TYW1: variants seen among roughly 807,000 people sequenced by gnomAD.
TYW1 encodes S-adenosyl-L-methionine-dependent tRNA 4-demethylwyosine synthase TYW1.
A neutral mutation model predicts 96.2 loss-of-function variants in TYW1; 46 were observed. The observed-to-expected ratio is 0.48, with a 90% CI of 0.38 to 0.61. TYW1 has a LOEUF of 0.61. TYW1 is among the 20% of genes least tolerant of loss of function. The probability of loss-of-function intolerance (pLI) is 0.00; values close to 1 mark genes in which losing one functional copy is unlikely to be tolerated. For missense variants in TYW1, 684 were observed against 909.6 expected (o/e 0.75, Z 3.19); for synonymous variants, 274 against 323.0 (o/e 0.85, Z 1.63).
chr7:67,036,608 G>C (rs982299163), intron 7 of TYW1, among the ~76,000 whole-genome samples: 13 of 152,234 alleles, frequency 8.5e-5, no homozygotes, highest in Non-Finnish European at 1.6e-4. Context: ...AGGGAGAGGT[G>C]ACCGCACTTG....
chr7:67,032,237 T>G (rs1464176127), intron 7 of TYW1, among the ~76,000 whole-genome samples: 9 of 152,116 alleles, frequency 5.9e-5, no homozygotes, highest in Non-Finnish European at 1.3e-4. Context: ...GGAGACAGGG[T>G]CTCACTCTGT....
intron 13 of TYW1, among the ~76,000 whole-genome samples, chr7:67,177,158 G>A (rs1465155131): frequency 2.0e-5 from 3 of 152,078 alleles, no homozygotes; most frequent in South Asian, 2.1e-4. Context: ...TTATTACAGT[G>A]GACTATCCAT....
chr7:67,159,436 G>C lies in TYW1; in HGVS notation c.1699-23690G>C, dbSNP rs533343719. On this transcript the variant is annotated intron_variant, in intron 13 of 15. Transcript: ENST00000359626. ...TCTTACATGATGAAGTACAACTCCA[G>C]ATGTTAATATTTCATCATTATCAGC... Among the ~76,000 whole-genome samples, 468 of 152,270 alleles carry C rather than the reference G, an allele frequency of 3.1e-3. 1 individual carries two copies. Among genetic ancestry groups the C allele is most frequent in the African/African-American group, 0.01 (431 of 41,538 alleles).
At chr7:67,203,717 CCTT>C (rs1800674465) in intron 15 of TYW1, among the ~76,000 whole-genome samples, 1 of 152,180 alleles carries the variant, frequency 6.6e-6, no homozygotes, top group Non-Finnish European at 1.5e-5. Flanking sequence ...TATTCTTACT[CCTT>C]CTGTTGTTCG....
chr7:67,056,173 T>C (rs1217795805), intron 9 of TYW1, among the ~76,000 whole-genome samples: 2 of 152,166 alleles, frequency 1.3e-5, no homozygotes, highest in Admixed American at 1.3e-4. Context: ...TTGCTATTAC[T>C]GTTATTTGGC....
intron 13 of TYW1, among the ~76,000 whole-genome samples, chr7:67,128,650 G>C (rs1197817191): frequency 7.9e-5 from 12 of 151,826 alleles, no homozygotes; most frequent in Non-Finnish European, 1.8e-4. Flanking sequence ...TGGTGTATGG[G>C]GAGGGGAAGC....
chr7:67,065,828 T>C (rs184056768), intron 9 of TYW1, among the ~76,000 whole-genome samples: 17 of 152,276 alleles, frequency 1.1e-4, no homozygotes, highest in Admixed American at 1.0e-3. Context: ...CTGACCAATA[T>C]GGTAAAACCC....
intron 10 of TYW1, among the ~76,000 whole-genome samples, chr7:67,067,896 A>T (rs1299954330): frequency 1.3e-5 from 2 of 152,170 alleles, no homozygotes; most frequent in African/African-American, 4.8e-5. Flanking sequence ...AGCCCATTGT[A>T]TGCAGAATTG....
At chr7:67,010,392 C>A (rs573495638) in intron 4 of TYW1, among the ~76,000 whole-genome samples, 3 of 152,006 alleles carry the variant, frequency 2.0e-5, no homozygotes, top group African/African-American at 7.2e-5. Context: ...TTCAACCTCC[C>A]GGGCTCAAGT....
chr7:67,238,377 G>T lies in TYW1; in HGVS notation c.2047G>T (p.Glu683Ter), dbSNP rs1198740386. The change falls in exon 16 of 16, where the codon GAA (glutamate) becomes TAA (stop). Residue 683 changes from glutamate to a stop codon, truncating the protein, a stop_gained. Coordinates refer to ENST00000359626, the MANE Select transcript of TYW1 (RefSeq NM_018264.4). LOFTEE classifies it high-confidence loss of function. ...NRFQELIQEYEDSGGSKTFSA... is the reference protein window; with the variant it reads ...NRFQELIQEY ...CTTCCAGGAGCTCATCCAGGAATAT[G>T]AAGATAGTGGTGGATCAAAAACGTT... The T allele has an allele frequency of 5.6e-6, 9 of 1,613,660 alleles. No individual in the cohort carries two copies. Among genetic ancestry groups the T allele is most frequent in the Non-Finnish European group, 7.6e-6 (9 of 1,179,800 alleles).
At chr7:67,189,685 A>G (rs893213074) in intron 14 of TYW1, among the ~76,000 whole-genome samples, 12 of 152,164 alleles carry the variant, frequency 7.9e-5, no homozygotes, top group African/African-American at 2.4e-4. Context: ...TGAGAATTCA[A>G]TGGGGTAATG....
intron 14 of TYW1, among the ~76,000 whole-genome samples, chr7:67,194,323 C>G (rs1800318625): frequency 6.6e-6 from 1 of 150,848 alleles, no homozygotes; most frequent in East Asian, 1.9e-4. Flanking sequence ...ACAAAATTAA[C>G]TCCCTAAAGA....
intron 15 of TYW1, among the ~76,000 whole-genome samples, chr7:67,214,133 C>T (rs545836848): frequency 3.9e-5 from 6 of 152,250 alleles, no homozygotes; most frequent in African/African-American, 1.4e-4. Flanking sequence ...TCTTCTAATC[C>T]GTGAACATGG....
At chr7:67,194,209 A>G (rs144475964) in intron 14 of TYW1, among the ~76,000 whole-genome samples, 4,824 of 152,254 alleles carry the variant, frequency 0.032, 230 homozygotes, top group African/African-American at 0.11. Flanking sequence ...TGTGTTGGTG[A>G]AATACATGTG....
intron 7 of TYW1, among the ~76,000 whole-genome samples, chr7:67,025,658 A>G (rs1029029636): frequency 6.6e-6 from 1 of 152,186 alleles, no homozygotes; most frequent in African/African-American, 2.4e-5. Flanking sequence ...CTAGGAATCC[A>G]GGAAATACCA....
intron 15 of TYW1, among the ~76,000 whole-genome samples, chr7:67,198,584 T>A (rs1177163716): frequency 6.6e-6 from 1 of 151,992 alleles, no homozygotes; most frequent in Non-Finnish European, 1.5e-5. Flanking sequence ...AGTAAATATT[T>A]TAATTTTTAT....
At chr7:67,074,973 G>A (rs1796157962) in intron 10 of TYW1, among the ~76,000 whole-genome samples, 1 of 152,122 alleles carries the variant, frequency 6.6e-6, no homozygotes, top group African/African-American at 2.4e-5. Context: ...CTAAAGACAT[G>A]TGCCACCATG....
intron 13 of TYW1, among the ~76,000 whole-genome samples, chr7:67,120,397 A>G (rs1797726895): frequency 6.6e-6 from 1 of 152,126 alleles, no homozygotes; most frequent in Admixed American, 6.5e-5. Flanking sequence ...TCTTAAAAGA[A>G]TGAATGGGTG....
intron 11 of TYW1, among the ~76,000 whole-genome samples, chr7:67,091,346 T>C (rs960985660): frequency 2.9e-5 from 4 of 138,542 alleles, no homozygotes; most frequent in African/African-American, 5.5e-5. Context: ...TTCTCACTCA[T>C]AGGTGGGAAC....
Sources: gnomAD v4.1 joint callset for allele counts (sites outside exome capture counted in the v4.1 genomes callset) on GRCh38, gnomAD v4.1.1 for gene constraint, MANE v1.5 for transcripts, NCBI Gene and HGNC (gene_info 2026-07-23, HGNC 2026-07-21) for gene names.